AFF4: variants seen among roughly 807,000 people sequenced by gnomAD.
The protein encoded by AFF4 is ALF transcription elongation factor 4.
AFF4 carries 13 observed loss-of-function variants against 124.8 expected under a neutral mutation model. The ratio of observed to expected loss-of-function variants is 0.10; its 90% CI spans 0.07 to 0.17. The LOEUF is 0.17. AFF4 is among the 10% of genes least tolerant of loss of function. AFF4 has a pLI of 1.00. For missense variants in AFF4, 1,092 were observed against 1,403.8 expected, an observed-to-expected ratio of 0.78 and a Z score of 3.55; for synonymous variants, 477 against 496.1, an observed-to-expected ratio of 0.96 and a Z score of 0.51.
In AFF4 at chr5:132,935,551, A is replaced by G. The variant is rs528215922; in HGVS notation, c.124-610T>C. Among the ~76,000 whole-genome samples, 21 of 152,252 alleles carry G rather than the reference A, an allele frequency of 1.4e-4. No individual in the cohort carries two copies. In the South Asian group the frequency reaches 2.7e-3, roughly 20 times the overall value. ...TTTGGGAGGCCAAGGTGGGCGGATC[A>G]CCTGACATCAGGAGTTGGAGACCAG... On this transcript the variant is annotated intron_variant, in intron 2 of 20. Transcript: ENST00000265343.
chr5:132,948,257 G>A (rs952159081), intron 1 of AFF4, among the ~76,000 whole-genome samples: 2 of 152,000 alleles, frequency 1.3e-5, no homozygotes, highest in African/African-American at 4.8e-5. Flanking sequence ...CACCATGTTG[G>A]CCAAGATGGT....
chr5:132,898,427 TA>T (rs752283432), intron 9 of AFF4, 35 bp from the exon 10 acceptor site: 1 of 1,587,884 alleles, frequency 6.3e-7, no homozygotes, highest in South Asian at 1.1e-5. Flanking sequence ...GTCCAAAGTT[TA>T]TTTTACATTG....
rs1239765359 is a variant in AFF4 at position 132,887,963 on chromosome 5, G to T, written c.2816C>A (p.Ala939Asp). ...ADALSDRFEK[A>D]VYYLDAVVSF... ...TACCACAGCATCAAGATAGTATACAGCTTTCTCAAACCTATCAGACTGAAG... is the reference window on the plus strand; with the variant it reads ...TACCACAGCATCAAGATAGTATACATCTTTCTCAAACCTATCAGACTGAAG... The change falls in exon 16 of 21, where the codon GCT becomes GAT. Residue 939 changes from alanine to aspartate, a missense_variant. Transcript: ENST00000265343. 1 of 1,613,666 alleles carries T rather than the reference G, an allele frequency of 6.2e-7. No homozygotes were observed.
intron 11 of AFF4, among the ~76,000 whole-genome samples, chr5:132,893,396 A>G (rs1386425077): frequency 6.6e-6 from 1 of 152,244 alleles, no homozygotes; most frequent in East Asian, 1.9e-4. Flanking sequence ...CTGTGAAATT[A>G]TAATTAAGAT....
chr5:132,940,617 CTA>C (rs1468197142), intron 1 of AFF4, among the ~76,000 whole-genome samples: 2 of 152,080 alleles, frequency 1.3e-5, no homozygotes, highest in Non-Finnish European at 2.9e-5. Context: ...TAGGTGATTC[CTA>C]TAATAAAATT....
intron 1 of AFF4, among the ~76,000 whole-genome samples, chr5:132,940,638 A>G (rs1761546219): frequency 6.6e-6 from 1 of 152,360 alleles, no homozygotes; most frequent in African/African-American, 2.4e-5. Flanking sequence ...TTCTTTCTGT[A>G]ATTCAATGTC....
chr5:132,899,198 T>C, intron 8 of AFF4, 57 bp from the exon 9 acceptor site: 1 of 1,510,500 alleles, frequency 6.6e-7, no homozygotes, highest in Non-Finnish European at 9.2e-7. Flanking sequence ...TCTATTTGCT[T>C]AGTGTGAATA....
At chr5:132,919,724 C>T (rs1760997426) in intron 5 of AFF4, among the ~76,000 whole-genome samples, 1 of 152,132 alleles carries the variant, frequency 6.6e-6, no homozygotes, top group Non-Finnish European at 1.5e-5. Flanking sequence ...GTGGCATGCA[C>T]TTGTAATTCC....
At chr5:132,940,623 T>C (rs550057817) in intron 1 of AFF4, among the ~76,000 whole-genome samples, 1 of 152,346 alleles carries the variant, frequency 6.6e-6, no homozygotes, top group East Asian at 1.9e-4. Flanking sequence ...ATTCCTATAA[T>C]AAAATTCTTT....
intron 4 of AFF4, among the ~76,000 whole-genome samples, chr5:132,931,674 G>A (rs1338494738): frequency 2.0e-5 from 3 of 152,202 alleles, no homozygotes; most frequent in East Asian, 1.9e-4. Flanking sequence ...CAAAGAACGC[G>A]GCCAGGCGCG....
At chr5:132,935,025 C>A (rs58181040) in intron 2 of AFF4, 84 bp from the exon 3 acceptor site, 27 of 1,166,166 alleles carry the variant, frequency 2.3e-5, no homozygotes, top group Non-Finnish European at 3.1e-5. Context: ...TTCCAAACTT[C>A]GAATGGAAAG....
At position 132,956,370 on chromosome 5, in the gene AFF4, C is replaced by T. The variant is rs532180282; in HGVS notation, c.-5+6889G>A. On this transcript the variant is annotated intron_variant, in intron 1 of 20. Coordinates refer to ENST00000265343, the MANE Select transcript of AFF4 (RefSeq NM_014423.4). ...TCCTGGCCGGGCCCAGTGGCTCATG[C>T]TTGTAATCCCAGCACCTTGGAAGGC... Among the ~76,000 whole-genome samples, 37 of 152,202 alleles carry T rather than the reference C, an allele frequency of 2.4e-4. 1 individual carries two copies. In the East Asian group the frequency reaches 7.1e-3, roughly 29 times the overall value.
At position 132,877,234 on chromosome 5, in the gene AFF4, C is replaced by T. The variant is rs1285233739; in HGVS notation, c.*3825G>A. On this transcript the variant is annotated 3_prime_UTR_variant, in exon 21 of 21. Transcript: ENST00000265343. ...CTATAAATCAAAATATATAATGAGG[C>T]CATACTGTTCAATTAGCAACTGGAA... 1 of 208,352 alleles carries T rather than the reference C, an allele frequency of 4.8e-6. No individual in the cohort carries two copies. Among genetic ancestry groups the T allele is most frequent in the Non-Finnish European group, 9.8e-6 (1 of 102,154 alleles). The allele number at this position is 208,352 out of a possible 1,614,324, so 12.9% of individuals were successfully genotyped here.
intron 1 of AFF4, among the ~76,000 whole-genome samples, chr5:132,945,790 G>A (rs1223695845): frequency 2.6e-5 from 4 of 151,380 alleles, no homozygotes; most frequent in African/African-American, 4.9e-5. Flanking sequence ...GCCGGGCACG[G>A]TGGCTCGCGC....
chr5:132,940,258 G>A (rs1390388239), intron 1 of AFF4, among the ~76,000 whole-genome samples: 1 of 151,660 alleles, frequency 6.6e-6, no homozygotes, highest in Admixed American at 6.6e-5. Flanking sequence ...CTAGCAATTT[G>A]GGTGGCGGAG....
Position 132,887,880 on chromosome 5 carries a change from A to T in AFF4, c.2899T>A (p.Phe967Ile). 6.2e-7 allele frequency: 1 copy of T among 1,613,936 alleles called. No individual in the cohort carries two copies. Among genetic ancestry groups the T allele is most frequent in the Non-Finnish European group, 8.5e-7 (1 of 1,179,948 alleles). The change falls in exon 16 of 21, where the codon TTC becomes ATC. Residue 967 changes from phenylalanine (F) to isoleucine (I), a missense_variant. Physicochemically the swap from Phe to Ile is conservative, Grantham distance 21. Around this residue, in one of 11 missense-constraint regions of AFF4, gnomAD observed 173 missense variants for 294.9 expected, o/e 0.59. Transcript: ENST00000265343. ...EKNAQESKSP[F>I]PMYSETVDLI... ...TCCACCGTCTCTGAATACATAGGGA[A>T]TGGGGATTTGGATTCCTGAGCATTC...
chr5:132,904,115 G>C (rs1294420863), intron 6 of AFF4: 1 of 383,784 alleles, frequency 2.6e-6, no homozygotes, highest in African/African-American at 2.0e-5. Context: ...AAATCAGCCA[G>C]GCATAGTGGC....
chr5:132,941,261 AT>A (rs2150103905), intron 1 of AFF4, among the ~76,000 whole-genome samples: 1 of 152,332 alleles, frequency 6.6e-6, no homozygotes, highest in African/African-American at 2.4e-5. Flanking sequence ...TCTGAAGTAT[AT>A]CTTTGTCAAA....
chr5:132,958,370 T>C (rs753326161), intron 1 of AFF4, among the ~76,000 whole-genome samples: 2 of 147,012 alleles, frequency 1.4e-5, no homozygotes, highest in Non-Finnish European at 3.0e-5. Context: ...GGAGGCTGAG[T>C]TATGAAAATT....
Sources: gnomAD v4.1 joint callset for allele counts (sites outside exome capture counted in the v4.1 genomes callset) on GRCh38, gnomAD v4.1.1 for gene constraint, gnomAD v4.1.1 regional missense constraint, MANE v1.5 for transcripts, NCBI Gene and HGNC (gene_info 2026-07-23, HGNC 2026-07-21) for gene names.